ADGRL2: variants seen among roughly 807,000 people sequenced by gnomAD.
ADGRL2 encodes adhesion G protein-coupled receptor L2, also known as calcium-independent alpha-latrotoxin receptor 2.
ADGRL2 carries 44 observed loss-of-function variants against 157.4 expected under a neutral mutation model. The observed-to-expected ratio is 0.28, with a 90% CI of 0.22 to 0.36. The LOEUF is 0.36. Ranked by LOEUF, ADGRL2 falls within the 10% of genes least tolerant of loss-of-function variation. The pLI is 1.00. For synonymous variants in ADGRL2, 585 were observed against 624.7 expected (o/e 0.94, Z 0.95); for missense variants, 1,510 against 1,768.9 (o/e 0.85, Z 2.63).
intron 2 of ADGRL2, among the ~76,000 whole-genome samples, chr1:81,843,641 A>G (rs12128183): frequency 0.078 from 11,805 of 152,198 alleles, 526 homozygotes; most frequent in South Asian, 0.15. Context: ...TCAAATTATT[A>G]TAATATTACT....
chr1:81,431,112 T>A (rs907478063), intron 1 of ADGRL2, among the ~76,000 whole-genome samples: 3 of 152,196 alleles, frequency 2.0e-5, no homozygotes, highest in African/African-American at 7.2e-5. Context: ...AGAATTAAAC[T>A]GGGATGTTGA....
chr1:81,339,807 T>C (rs1389521929), intron 1 of ADGRL2, among the ~76,000 whole-genome samples: 2 of 152,216 alleles, frequency 1.3e-5, no homozygotes, highest in African/African-American at 4.8e-5. Context: ...ACCTGGAATG[T>C]CTTTCTTTCC....
At chr1:81,314,854 C>T (rs1311218552) in intron 1 of ADGRL2, among the ~76,000 whole-genome samples, 2 of 152,130 alleles carry the variant, frequency 1.3e-5, no homozygotes, top group African/African-American at 2.4e-5. Flanking sequence ...GACTTTATAA[C>T]ATTGTGATCA....
intron 1 of ADGRL2, among the ~76,000 whole-genome samples, chr1:81,811,463 C>T (rs2089863323): frequency 6.6e-6 from 1 of 151,388 alleles, no homozygotes; most frequent in Non-Finnish European, 1.5e-5. Context: ...TGCAGCAACA[C>T]GTTTTTTATA....
At chr1:81,910,388 T>C (rs1364545859) in intron 3 of ADGRL2, among the ~76,000 whole-genome samples, 1 of 151,972 alleles carries the variant, frequency 6.6e-6, no homozygotes, top group South Asian at 2.1e-4. Context: ...TTATTGAATT[T>C]GAGCAGTTTT....
At chr1:81,468,800 A>G (rs1205367355) in intron 2 of ADGRL2, among the ~76,000 whole-genome samples, 3 of 152,154 alleles carry the variant, frequency 2.0e-5, no homozygotes, top group South Asian at 2.1e-4. Context: ...TCATTTTTCA[A>G]TTGACATACA....
intron 1 of ADGRL2, among the ~76,000 whole-genome samples, chr1:81,407,979 C>A (rs191843565): frequency 4.3e-4 from 65 of 152,284 alleles, no homozygotes; most frequent in African/African-American, 1.6e-3. Context: ...GTATTACAGG[C>A]TCACCTCATT....
chr1:81,828,606 A>T (rs1446432498), intron 1 of ADGRL2, among the ~76,000 whole-genome samples: 1 of 151,994 alleles, frequency 6.6e-6, no homozygotes, highest in African/African-American at 2.4e-5. Context: ...TTTATAACCT[A>T]TGTTTCTTTT....
At position 81,993,037 on chromosome 1, in the gene ADGRL2, TAAGTGC is replaced by T; in HGVS notation, c.*1894_*1899del. The stretch of plus-strand genomic sequence containing the variant: ...TTAAAAAGGAATGAGATTTAAAAAT[TAAGTGC>T]ATATATATAATATACATATATATAT... On this transcript the variant is annotated 3_prime_UTR_variant, in exon 24 of 24. Coordinates refer to ENST00000686636, the MANE Select transcript of ADGRL2 (RefSeq NM_001366006.2). Among the ~76,000 whole-genome samples, 1 of 130,188 alleles carries T rather than the reference TAAGTGC, an allele frequency of 7.7e-6. No individual in the cohort carries two copies. Among genetic ancestry groups the T allele is most frequent in the African/African-American group, 2.9e-5 (1 of 33,966 alleles). The allele number at this position is 130,188 out of a possible 152,430, so 85.4% of individuals were successfully genotyped here. A position where few individuals can be genotyped will look rare whatever the true frequency, so the allele number is the denominator to read the frequency against.
At chr1:81,375,385 A>G (rs1016856249) in intron 1 of ADGRL2, among the ~76,000 whole-genome samples, 4 of 152,220 alleles carry the variant, frequency 2.6e-5, no homozygotes, top group African/African-American at 9.6e-5. Context: ...GTTCATTGAA[A>G]GGTATTTAAG....
At chr1:81,499,214 C>T (rs1291883382) in intron 2 of ADGRL2, among the ~76,000 whole-genome samples, 1 of 152,248 alleles carries the variant, frequency 6.6e-6, no homozygotes, top group Non-Finnish European at 1.5e-5. Context: ...CAATGTTATA[C>T]TCTTTGGTCC....
At chr1:81,636,175 A>G (rs1192404136) in intron 3 of ADGRL2, among the ~76,000 whole-genome samples, 1 of 152,124 alleles carries the variant, frequency 6.6e-6, no homozygotes, top group African/African-American at 2.4e-5. Flanking sequence ...GTTACATCAG[A>G]GAGTCTGTAT....
At chr1:81,837,876 A>C (rs2092362212) in intron 2 of ADGRL2, among the ~76,000 whole-genome samples, 2 of 151,934 alleles carry the variant, frequency 1.3e-5, no homozygotes, top group East Asian at 1.9e-4. Context: ...AAGATGTATA[A>C]ATTTTATAGC....
At chr1:81,972,168 TA>T (rs555812666) in intron 17 of ADGRL2, among the ~76,000 whole-genome samples, 2 of 152,106 alleles carry the variant, frequency 1.3e-5, no homozygotes, top group Non-Finnish European at 2.9e-5. Context: ...CATCATAATC[TA>T]AAAAACATGC....
intron 3 of ADGRL2, among the ~76,000 whole-genome samples, chr1:81,634,254 G>T (rs2082071237): frequency 6.6e-6 from 1 of 152,112 alleles, no homozygotes; most frequent in African/African-American, 2.4e-5. Flanking sequence ...TACTACAAAA[G>T]CTTCCTAATC....
intron 1 of ADGRL2, among the ~76,000 whole-genome samples, chr1:81,748,476 A>C (rs919234935): frequency 4.7e-5 from 7 of 150,528 alleles, no homozygotes; most frequent in Non-Finnish European, 7.4e-5. Flanking sequence ...TCAAAAAAAA[A>C]AAAAAAAAAA....
intron 2 of ADGRL2, among the ~76,000 whole-genome samples, chr1:81,547,731 G>C (rs185613455): frequency 8.5e-5 from 13 of 152,282 alleles, no homozygotes; most frequent in South Asian, 2.1e-4. Flanking sequence ...CTGATCAATG[G>C]CTTCTTTGTT....
chr1:81,417,711 A>T (rs1274274183), intron 1 of ADGRL2, among the ~76,000 whole-genome samples: 1 of 151,968 alleles, frequency 6.6e-6, no homozygotes, highest in Non-Finnish European at 1.5e-5. Flanking sequence ...TCAGTTCGAA[A>T]CTTGGTTTTC....
chr1:81,926,556 C>T (rs1043065253), intron 3 of ADGRL2, among the ~76,000 whole-genome samples: 8 of 151,846 alleles, frequency 5.3e-5, no homozygotes, highest in Non-Finnish European at 7.4e-5. Flanking sequence ...AGTAGGTTAA[C>T]GTTTTTATAA....
Sources: gnomAD v4.1 joint callset for allele counts (sites outside exome capture counted in the v4.1 genomes callset) on GRCh38, gnomAD v4.1.1 for gene constraint, MANE v1.5 for transcripts, NCBI Gene and HGNC (gene_info 2026-07-23, HGNC 2026-07-21) for gene names.